Variants in USH2A observed in about 807,000 individuals in gnomAD.
The protein encoded by USH2A is Usher syndrome 2A (autosomal recessive, mild).
In USH2A, 443 loss-of-function variants were observed where a neutral mutation model predicts 538.9. That is an observed-to-expected ratio of 0.82 (90% CI 0.76 to 0.89). USH2A has a LOEUF of 0.89. Among genes scored for constraint, USH2A ranks in the 40% least tolerant of loss-of-function variants. USH2A has a pLI of 0.00. For synonymous variants in USH2A, 2,413 were observed against 2,273.5 expected, an observed-to-expected ratio of 1.06 and a Z score of -1.75; for missense variants, 6,633 against 6,324.8, an observed-to-expected ratio of 1.05 and a Z score of -1.65.
intron 62 of USH2A, among the ~76,000 whole-genome samples, chr1:215,679,291 A>G (rs1419353257): frequency 6.6e-6 from 1 of 152,126 alleles, no homozygotes; most frequent in Non-Finnish European, 1.5e-5. Context: ...TGTGATGTGG[A>G]ATTGATGTGG....
chr1:216,190,911 A>G (rs1329224652), intron 19 of USH2A, among the ~76,000 whole-genome samples: 1 of 152,108 alleles, frequency 6.6e-6, no homozygotes, highest in African/African-American at 2.4e-5. Flanking sequence ...TCAATTCTCA[A>G]TCATCTTTCT....
At chr1:215,673,770 G>A (rs979608884) in intron 63 of USH2A, among the ~76,000 whole-genome samples, 5 of 152,124 alleles carry the variant, frequency 3.3e-5, no homozygotes, top group Non-Finnish European at 5.9e-5. Flanking sequence ...CCCTATCGGG[G>A]CTGTCAGAAC....
Position 216,008,193 on chromosome 1 carries a change from C to T in USH2A, c.6326-7631G>A, listed in dbSNP as rs185343632. Among the ~76,000 whole-genome samples the T allele has an allele frequency of 2.7e-3, 416 of 152,208 alleles. 1 individual carries two copies. The highest frequency in any genetic ancestry group is 0.014 in the Middle Eastern group (4 of 294). On this transcript the variant is annotated intron_variant, in intron 32 of 71. Transcript: ENST00000307340. ...GCCATCATATCCCCTGTGACCTGCACGTACACATCCAGATGGCCGGTTCCT... is the reference window on the plus strand; with the variant it reads ...GCCATCATATCCCCTGTGACCTGCATGTACACATCCAGATGGCCGGTTCCT...
chr1:215,634,909 G>A (rs1426165729), intron 69 of USH2A, among the ~76,000 whole-genome samples: 1 of 152,190 alleles, frequency 6.6e-6, no homozygotes, highest in Non-Finnish European at 1.5e-5. Context: ...CCCTTGAGAG[G>A]CCTTGCTGAC....
chr1:216,055,906 T>C (rs1307211932), intron 30 of USH2A, among the ~76,000 whole-genome samples: 1 of 149,344 alleles, frequency 6.7e-6, no homozygotes, highest in Non-Finnish European at 1.5e-5. Flanking sequence ...TTTTTTGACC[T>C]TGTTTAAAAC....
At chr1:216,102,381 A>T (rs2032603278) in intron 21 of USH2A, among the ~76,000 whole-genome samples, 1 of 149,340 alleles carries the variant, frequency 6.7e-6, no homozygotes, top group Non-Finnish European at 1.5e-5. Flanking sequence ...TTTATATATA[A>T]TATTAAATTA....
chr1:216,378,893 AC>A (rs2038884010), intron 3 of USH2A, among the ~76,000 whole-genome samples: 1 of 151,996 alleles, frequency 6.6e-6, no homozygotes, highest in South Asian at 2.1e-4. Context: ...ATTTTCTGAA[AC>A]TTTTTGTAGG....
Position 216,084,726 on chromosome 1 carries a change from T to C in USH2A, c.5139A>G (p.Leu1713=). Reference sequence around the variant, plus strand: ...CTCCTAGGAACTGAGCTCCCTCATTTAATGAAGCGGGACATCCCTCCCAGC... The same window carrying C: ...CTCCTAGGAACTGAGCTCCCTCATTCAATGAAGCGGGACATCCCTCCCAGC... ...YNSWEGCPAS[L]NEGAQFLGAG... The change falls in exon 25 of 72, where the codon TTA becomes TTG. Residue 1713 remains leucine (L), a synonymous_variant. Coordinates refer to ENST00000307340, the MANE Select transcript of USH2A (RefSeq NM_206933.4). The C allele has an allele frequency of 6.2e-7, 1 of 1,613,362 alleles. No individual in the cohort carries two copies. The highest frequency in any genetic ancestry group is 1.1e-5 in the South Asian group (1 of 91,072).
At position 215,732,544 on chromosome 1, in the gene USH2A, C is replaced by CTTTTTTTTTTTTTT. The variant is rs141549439; in HGVS notation, c.11712-4174_11712-4161dup. 4.6e-4 allele frequency among the ~76,000 whole-genome samples: 34 copies of CTTTTTTTTTTTTTT among 73,588 alleles called. 1 individual carries two copies. The highest frequency in any genetic ancestry group is 1.5e-3 in the African/African-American group (24 of 16,332). The allele number at this position is 73,588 out of a possible 152,430, so 48.3% of individuals were successfully genotyped here. ...TCTTTCTTATTCTCCTTTTTTCTTT[C>CTTTTTTTTTTTTTT]TTTTTTTTTTTTTTTTTTTTTTTTT... On this transcript the variant is annotated intron_variant, in intron 60 of 71. Coordinates refer to ENST00000307340, the MANE Select transcript of USH2A (RefSeq NM_206933.4).
At chr1:216,025,931 C>A (rs767533386) in intron 32 of USH2A, among the ~76,000 whole-genome samples, 15 of 151,938 alleles carry the variant, frequency 9.9e-5, no homozygotes, top group Non-Finnish European at 2.1e-4. Flanking sequence ...TTCATATGTG[C>A]TAGTATATTC....
In USH2A at chr1:215,625,076, A is replaced by G. The variant is rs887505231; in HGVS notation, c.*705T>C. On this transcript the variant is annotated 3_prime_UTR_variant, in exon 72 of 72. Transcript: ENST00000307340. ...GTTTTCTCCTCAAAATGTATAAATA[A>G]GCTGTTTACTCCTTAGATTTTTGGA... is the stretch of plus-strand genomic sequence containing the variant. The G allele has an allele frequency of 1.3e-5, 2 of 152,264 alleles. No homozygotes were observed. Among genetic ancestry groups the G allele is most frequent in the Non-Finnish European group, 2.9e-5 (2 of 68,064 alleles). The allele number at this position is 152,264 out of a possible 1,614,324, so 9.4% of individuals were successfully genotyped here. A position where few individuals can be genotyped will look rare whatever the true frequency, so the allele number is the denominator to read the frequency against.
chr1:216,184,530 TGA>T (rs2034558971), intron 20 of USH2A, among the ~76,000 whole-genome samples: 1 of 151,944 alleles, frequency 6.6e-6, no homozygotes, highest in South Asian at 2.1e-4. Flanking sequence ...ACTAGCTTAA[TGA>T]GGGATTATTG....
At chr1:215,919,211 C>T (rs1666035608) in intron 38 of USH2A, among the ~76,000 whole-genome samples, 1 of 152,066 alleles carries the variant, frequency 6.6e-6, no homozygotes, top group African/African-American at 2.4e-5. Flanking sequence ...ACTTCCTATA[C>T]TTCAGGAATC....
intron 61 of USH2A, among the ~76,000 whole-genome samples, chr1:215,722,236 T>C (rs1659685512): frequency 6.6e-6 from 1 of 152,212 alleles, no homozygotes; most frequent in African/African-American, 2.4e-5. Flanking sequence ...ATAATTATTT[T>C]TATTACTGAA....
intron 21 of USH2A, chr1:216,174,727 G>A: frequency 1.0e-6 from 1 of 994,624 alleles, no homozygotes. Flanking sequence ...TAGAACATGA[G>A]ATATTAAGTT....
chr1:215,844,216 T>C (rs1663774918), intron 46 of USH2A, 78 bp downstream of exon 46: 3 of 1,404,492 alleles, frequency 2.1e-6, no homozygotes, highest in Non-Finnish European at 3.0e-6. Flanking sequence ...AGACAGAAGA[T>C]ATCCACTTGA....
chr1:215,822,603 T>G lies in USH2A; in HGVS notation c.9372-5408A>C, dbSNP rs1195397309. Among the ~76,000 whole-genome samples, 3 of 151,998 alleles carry G rather than the reference T, an allele frequency of 2.0e-5. No homozygotes were observed. The East Asian group carries it at 5.8e-4, about 29-fold the overall frequency. ...TTGACTTATCCCTTTCCGATTTGGA[T>G]GCCCTTTATTTCTTCTCTTGACAAA... On this transcript the variant is annotated intron_variant, in intron 47 of 71. Coordinates refer to ENST00000307340, the MANE Select transcript of USH2A (RefSeq NM_206933.4).
At chr1:215,870,458 CT>C (rs10689595) in intron 43 of USH2A, among the ~76,000 whole-genome samples, 2,489 of 123,086 alleles carry the variant, frequency 0.02, 157 homozygotes, top group Admixed American at 0.13. Flanking sequence ...CCACTCCTAG[CT>C]TTTTTTTTTT....
At chr1:216,411,150 C>T (rs1246572337) in intron 3 of USH2A, among the ~76,000 whole-genome samples, 1 of 151,992 alleles carries the variant, frequency 6.6e-6, no homozygotes, top group Non-Finnish European at 1.5e-5. Flanking sequence ...CTGTTCTGTC[C>T]TCATTTCACA....
Sources: allele counts gnomAD v4.1 joint callset (sites outside exome capture counted in the v4.1 genomes callset), GRCh38; gene constraint gnomAD v4.1.1; transcripts MANE v1.5; gene names NCBI Gene and HGNC (gene_info 2026-07-23, HGNC 2026-07-21).